HDX: variants seen among roughly 807,000 people sequenced by gnomAD.
HDX encodes the protein highly divergent homeobox.
Under a neutral mutation model 45.2 loss-of-function variants are expected in HDX, and 19 were observed. That is an observed-to-expected ratio of 0.42 (90% CI 0.29 to 0.62). The LOEUF is 0.62. HDX is among the 20% of genes least tolerant of loss of function. HDX has a pLI of 0.20. For missense variants in HDX, 532 were observed against 493.9 expected, an observed-to-expected ratio of 1.08 and a Z score of -0.73; for synonymous variants, 188 against 172.8, an observed-to-expected ratio of 1.09 and a Z score of -0.69.
At chrX:84,376,967 A>G (rs2038072981) in intron 5 of HDX, among the ~76,000 whole-genome samples, 1 of 112,096 alleles carries the variant, frequency 8.9e-6, no homozygotes, top group Admixed American at 9.4e-5. Flanking sequence ...TGCTAGCTTC[A>G]GGTCTGACCC....
chrX:84,477,244 A>G (rs1186853002), intron 2 of HDX, among the ~76,000 whole-genome samples: 1 of 111,683 alleles, frequency 9.0e-6, no homozygotes, highest in Non-Finnish European at 1.9e-5. Flanking sequence ...ACTTCAAATC[A>G]TTAATGTACA....
intron 5 of HDX, among the ~76,000 whole-genome samples, chrX:84,394,924 T>C (rs2038524712): frequency 9.0e-6 from 1 of 111,296 alleles, no homozygotes; most frequent in African/African-American, 3.3e-5. Context: ...AGGCAGCATA[T>C]AACTGGGTCA....
At chrX:84,444,908 T>C (rs1179052630) in intron 4 of HDX, among the ~76,000 whole-genome samples, 2 of 111,801 alleles carry the variant, frequency 1.8e-5, no homozygotes, top group Non-Finnish European at 3.8e-5. Flanking sequence ...GTTTTATAGA[T>C]GATTTAGGTA....
intron 10 of HDX, among the ~76,000 whole-genome samples, chrX:84,325,636 C>T (rs986856112): frequency 1.8e-5 from 2 of 111,601 alleles, no homozygotes; most frequent in Non-Finnish European, 3.8e-5. Context: ...AATTCAAATA[C>T]TCAAATACTT....
intron 5 of HDX, chrX:84,440,317 A>T: frequency 6.5e-6 from 2 of 308,068 alleles, no homozygotes. Context: ...AAAACTGCCC[A>T]TGGATTATAT....
At chrX:84,357,087 T>A (rs2037506051) in intron 6 of HDX, among the ~76,000 whole-genome samples, 1 of 111,521 alleles carries the variant, frequency 9.0e-6, no homozygotes, top group Non-Finnish European at 1.9e-5. Context: ...AGAGGCATGA[T>A]GAAGTTTTTT....
chrX:84,497,078 G>T (rs2041016847), intron 1 of HDX, among the ~76,000 whole-genome samples: 1 of 111,871 alleles, frequency 8.9e-6, no homozygotes, highest in Non-Finnish European at 1.9e-5. Flanking sequence ...CTCTCCTGCT[G>T]CCATGTAAGA....
At chrX:84,381,795 A>G (rs768163168) in intron 5 of HDX, among the ~76,000 whole-genome samples, 8 of 111,322 alleles carry the variant, frequency 7.2e-5, no homozygotes, top group Non-Finnish European at 1.5e-4. Context: ...GGGCTGGGCA[A>G]AAATTTCTTG....
intron 6 of HDX, among the ~76,000 whole-genome samples, chrX:84,344,896 T>C (rs781674752): frequency 9.0e-6 from 1 of 111,335 alleles, no homozygotes; most frequent in East Asian, 2.8e-4. Flanking sequence ...GTTTTTGTTT[T>C]GTTTCTCGAG....
At chrX:84,483,639 C>T (rs957733445) in intron 2 of HDX, among the ~76,000 whole-genome samples, 4 of 112,299 alleles carry the variant, frequency 3.6e-5, no homozygotes, top group East Asian at 2.8e-4. Flanking sequence ...CTGAAATGCC[C>T]GGGAGACATT....
At chrX:84,441,128 A>G (rs968148539) in intron 4 of HDX, among the ~76,000 whole-genome samples, 16 of 111,386 alleles carry the variant, frequency 1.4e-4, no homozygotes, top group African/African-American at 5.2e-4. Context: ...ATGACAAAGT[A>G]CTGTAATAAA....
chrX:84,326,499 G>A lies in HDX; in HGVS notation c.1825-199C>T, dbSNP rs2036713592. ...ATGCCTTTTAAGCAAATCACTAATA[G>A]AAAACAATTTATAAAGTCAAAAACC... On this transcript the variant is annotated intron_variant, in intron 9 of 10. Transcript: ENST00000373177. Among the ~76,000 whole-genome samples the A allele has an allele frequency of 5.4e-5, 6 of 111,236 alleles. 1 individual carries two copies. In the Admixed American group the frequency reaches 5.7e-4, roughly 11 times the overall value.
intron 5 of HDX, among the ~76,000 whole-genome samples, chrX:84,368,860 T>G (rs1190673867): frequency 9.0e-6 from 1 of 111,022 alleles, no homozygotes; most frequent in Non-Finnish European, 1.9e-5. Context: ...TCAGCAGGCA[T>G]TAATTAGATT....
At chrX:84,332,696 A>G (rs1463925801) in intron 9 of HDX, among the ~76,000 whole-genome samples, 3 of 111,734 alleles carry the variant, frequency 2.7e-5, no homozygotes, top group Non-Finnish European at 5.7e-5. Context: ...GAAATATTAT[A>G]TGACCATGTA....
chrX:84,385,695 C>G (rs1392509941), intron 5 of HDX, among the ~76,000 whole-genome samples: 2 of 110,807 alleles, frequency 1.8e-5, no homozygotes, highest in African/African-American at 6.6e-5. Flanking sequence ...AAATTTTGTA[C>G]ATGGATTTTG....
In HDX at chrX:84,318,556, C is replaced by G. The variant is rs762654711; in HGVS notation, c.*3333G>C. The G allele has an allele frequency of 9.0e-6, 1 of 110,561 alleles. No homozygotes were observed. Among genetic ancestry groups the G allele is most frequent in the East Asian group, 2.8e-4 (1 of 3,544 alleles). 9.1% of individuals were successfully genotyped at this position (110,561 alleles called of 1,213,427 possible). A position where few individuals can be genotyped will look rare whatever the true frequency, so the allele number is the denominator to read the frequency against. ...CTATCCCTTGGAAATGGGCTGAATC[C>G]GATTCCCACCACCCCCACCAAAAAA... On this transcript the variant is annotated 3_prime_UTR_variant, in exon 11 of 11. Coordinates refer to ENST00000373177, the MANE Select transcript of HDX (RefSeq NM_001177479.2).
At chrX:84,381,291 A>T (rs1042822834) in intron 5 of HDX, among the ~76,000 whole-genome samples, 17 of 111,311 alleles carry the variant, frequency 1.5e-4, no homozygotes, top group African/African-American at 5.5e-4. Flanking sequence ...CAATCTACAG[A>T]TTCAGTACAA....
intron 5 of HDX, among the ~76,000 whole-genome samples, chrX:84,431,377 T>C (rs1346061494): frequency 9.0e-6 from 1 of 110,909 alleles, no homozygotes; most frequent in East Asian, 2.8e-4. Context: ...AATAATGAGA[T>C]TGCTGAGTCA....
intron 4 of HDX, among the ~76,000 whole-genome samples, chrX:84,462,576 C>T (rs770196135): frequency 9.0e-6 from 1 of 110,691 alleles, no homozygotes; most frequent in Non-Finnish European, 1.9e-5. Flanking sequence ...ACCAATGTGG[C>T]AAATAAGTAT....
Sources: gnomAD v4.1 joint callset for allele counts (sites outside exome capture counted in the v4.1 genomes callset) on GRCh38, gnomAD v4.1.1 for gene constraint, MANE v1.5 for transcripts, NCBI Gene and HGNC (gene_info 2026-07-23, HGNC 2026-07-21) for gene names.